The following EPG5 variants were observed in gnomAD, a reference collection of about 807,000 sequenced individuals.
The protein encoded by EPG5 is ectopic P-granules 5 autophagy tethering factor, also known as ectopic P granules protein 5 homolog.
Under a neutral mutation model 302.7 loss-of-function variants are expected in EPG5, and 159 were observed. The observed-to-expected ratio is 0.53, with a 90% CI of 0.46 to 0.60. The LOEUF is 0.60. EPG5 is among the 20% of genes least tolerant of loss of function. The pLI, the probability that EPG5 is intolerant of heterozygous loss-of-function variation, is 0.00. For missense variants in EPG5, 2,896 were observed against 3,092.4 expected (o/e 0.94, Z 1.51); for synonymous variants, 1,158 against 1,136.8 (o/e 1.02, Z -0.37).
chr18:45,953,698 T>C lies in EPG5; in HGVS notation c.1008+696A>G, dbSNP rs1037926486. The C allele has an allele frequency of 5.1e-6, 5 of 985,272 alleles. No homozygotes were observed. The African/African-American group carries it at 7.0e-5, about 14-fold the overall frequency. 61.0% of individuals were successfully genotyped at this position (985,272 alleles called of 1,614,324 possible). A position where few individuals can be genotyped will look rare whatever the true frequency, so the allele number is the denominator to read the frequency against. ...CCCCCTTCCTTTGGGGGCTCTGTGTTACACATCAGGGACTCTCCATTGCTT... is the reference window on the plus strand; with the variant it reads ...CCCCCTTCCTTTGGGGGCTCTGTGTCACACATCAGGGACTCTCCATTGCTT... On this transcript the variant is annotated intron_variant, in intron 2 of 43. Transcript: ENST00000282041.
chr18:45,897,201 A>G (rs1022466570), intron 27 of EPG5, among the ~76,000 whole-genome samples: 1 of 152,258 alleles, frequency 6.6e-6, no homozygotes, highest in African/African-American at 2.4e-5. Context: ...GGTCAGGGCA[A>G]GAGACCTGTT....
the EPG5 span, among the ~76,000 whole-genome samples, chr18:45,804,953 A>G: frequency 1.3e-5 from 2 of 152,160 alleles, no homozygotes; most frequent in Non-Finnish European, 2.9e-5. Flanking sequence ...GGGCAGGTAT[A>G]AGAGGACCTA....
At chr18:45,840,104 C>T in the EPG5 span, 1 of 1,271,896 alleles carries the variant, frequency 7.9e-7, no homozygotes. Flanking sequence ...GCTTCAAAAA[C>T]AGTGGTTTCC....
intron 13 of EPG5, among the ~76,000 whole-genome samples, chr18:45,928,244 A>C (rs991369177): frequency 6.6e-6 from 1 of 152,108 alleles, no homozygotes; most frequent in African/African-American, 2.4e-5. Context: ...CTGAAGTCTA[A>C]GGGTTTTTGA....
chr18:45,838,034 A>G, the EPG5 span: 1 of 1,118,532 alleles, frequency 8.9e-7, no homozygotes, highest in Non-Finnish European at 1.2e-6. Context: ...TACCCCAGGG[A>G]TCTCACACCT....
At chr18:45,906,348 C>T (rs2049751277) in intron 24 of EPG5, among the ~76,000 whole-genome samples, 1 of 152,148 alleles carries the variant, frequency 6.6e-6, no homozygotes, top group South Asian at 2.1e-4. Flanking sequence ...GTATACATGG[C>T]CCTTAGGGAT....
chr18:45,837,420 G>A, the EPG5 span: 2 of 1,385,854 alleles, frequency 1.4e-6, no homozygotes, highest in South Asian at 1.6e-5. Context: ...AGGGGTTGGG[G>A]GAGCGTTTCC....
chr18:45,802,124 T>C, the EPG5 span, among the ~76,000 whole-genome samples: 1 of 152,172 alleles, frequency 6.6e-6, no homozygotes, highest in Non-Finnish European at 1.5e-5. Flanking sequence ...GCTGATGTGA[T>C]GGAGTGGCCC....
intron 25 of EPG5, 135 bp from the exon 26 acceptor site, chr18:45,901,302 A>C: frequency 1.5e-5 from 11 of 729,738 alleles, no homozygotes; most frequent in Non-Finnish European, 2.4e-5. Flanking sequence ...GTTAAAGCTC[A>C]TGATCTTAAA....
chr18:45,959,461 A>G (rs1310247827), intron 1 of EPG5, among the ~76,000 whole-genome samples: 4 of 151,876 alleles, frequency 2.6e-5, no homozygotes, highest in East Asian at 3.9e-4. Context: ...CCTGGCCAAC[A>G]TGGTGAAACC....
chr18:45,825,159 GGAGGGAGGGAGGGAGGAAGA>G, the EPG5 span, among the ~76,000 whole-genome samples: 5,025 of 138,628 alleles, frequency 0.036, 170 homozygotes, highest in East Asian at 0.15. Context: ...GGGAAGGAAG[GGAGGGAGGGAGGGAGGAAGA>G]GAGGGAGGGA....
At chr18:45,807,794 C>T in the EPG5 span, among the ~76,000 whole-genome samples, 2 of 152,148 alleles carry the variant, frequency 1.3e-5, no homozygotes, top group Admixed American at 1.3e-4. Flanking sequence ...ACCAGAAAAC[C>T]AACTCTGGTA....
chr18:45,919,558 G>A (rs971423305), intron 16 of EPG5, among the ~76,000 whole-genome samples: 1 of 151,324 alleles, frequency 6.6e-6, no homozygotes, highest in African/African-American at 2.4e-5. Flanking sequence ...TGTCGCCCAG[G>A]CTGGAGTGCA....
At position 45,897,826 on chromosome 18, in the gene EPG5, G is replaced by A. The variant is rs183471849; in HGVS notation, c.4809+1578C>T. 1.6e-3 allele frequency among the ~76,000 whole-genome samples: 251 copies of A among 152,146 alleles called. 1 individual carries two copies. The highest frequency in any genetic ancestry group is 5.7e-3 in the African/African-American group (236 of 41,502). On this transcript the variant is annotated intron_variant, in intron 27 of 43. Transcript: ENST00000282041. ...CATTTTGTAGAAAAGAGTCTCCCAA[G>A]GAAATTGATGGAGACATTGGAATAG...
At chr18:45,919,418 A>T (rs1252433318) in intron 16 of EPG5, among the ~76,000 whole-genome samples, 1 of 152,218 alleles carries the variant, frequency 6.6e-6, no homozygotes, top group Non-Finnish European at 1.5e-5. Context: ...CCCAGAATGG[A>T]TACAAGAAAT....
chr18:45,841,201 C>T, the EPG5 span: 1 of 152,586 alleles, frequency 6.6e-6, no homozygotes, highest in South Asian at 2.1e-4. Flanking sequence ...AGATCAAGTT[C>T]TCTTGGAGGA....
In EPG5 at chr18:45,916,434, T is replaced by G. The variant is rs1215066360; in HGVS notation, c.3384+4A>C. 1 of 1,608,016 alleles carries G rather than the reference T, an allele frequency of 6.2e-7. No homozygotes were observed. The highest frequency in any genetic ancestry group is 1.7e-4 in the Middle Eastern group (1 of 5,838). On this transcript the variant is annotated splice_donor_region_variant and intron_variant, in intron 18 of 43. Coordinates refer to ENST00000282041, the MANE Select transcript of EPG5 (RefSeq NM_020964.3). ...GTGTGCTTAGGGGCTTGCAAGGCCC[T>G]CACCTGGATCATGCTGTTGAGAAGC...
Position 45,906,655 on chromosome 18 carries a change from A to AT in EPG5, c.4329+1302dup, listed in dbSNP as rs557629428. ...GTACCCTGTGCATTCCACTCTCGTA[A>AT]TTTTTTTTTTTTTTTAAGACAGGGT... is the stretch of plus-strand genomic sequence containing the variant. On this transcript the variant is annotated intron_variant, in intron 24 of 43. Transcript: ENST00000282041. Among the ~76,000 whole-genome samples, 1,078 of 143,522 alleles carry AT rather than the reference A, an allele frequency of 7.5e-3. 17 individuals are homozygous for AT. The highest frequency in any genetic ancestry group is 0.023 in the African/African-American group (917 of 39,316). 94.2% of individuals were successfully genotyped at this position (143,522 alleles called of 152,430 possible).
chr18:45,900,731 G>A (rs529613627), intron 26 of EPG5, among the ~76,000 whole-genome samples: 127 of 152,262 alleles, frequency 8.3e-4, no homozygotes, highest in Admixed American at 8.3e-3. Flanking sequence ...AGAAGCATAC[G>A]AAAATCTTAG....
Sources: gnomAD v4.1 joint callset for allele counts (sites outside exome capture counted in the v4.1 genomes callset) on GRCh38, gnomAD v4.1.1 for gene constraint, MANE v1.5 for transcripts, NCBI Gene and HGNC (gene_info 2026-07-23, HGNC 2026-07-21) for gene names.